Variants in KCNC2 observed in about 807,000 individuals in gnomAD.
KCNC2 encodes potassium voltage-gated channel subfamily C member 2.
In KCNC2, 21 loss-of-function variants were observed where a neutral mutation model predicts 44.5. The ratio of observed to expected loss-of-function variants is 0.47; its 90% CI spans 0.33 to 0.68. The LOEUF is 0.68. Among genes scored for constraint, KCNC2 ranks in the 30% least tolerant of loss-of-function variants. The pLI, the probability that KCNC2 is intolerant of heterozygous loss-of-function variation, is 0.01. For missense variants in KCNC2, 589 were observed against 826.2 expected (o/e 0.71, Z 3.52); for synonymous variants, 391 against 339.1 (o/e 1.15, Z -1.68).
At chr12:75,141,802 A>C (rs879491072) in intron 2 of KCNC2, among the ~76,000 whole-genome samples, 2 of 152,134 alleles carry the variant, frequency 1.3e-5, no homozygotes, top group Non-Finnish European at 2.9e-5. Flanking sequence ...AGAGTAAAAA[A>C]TTTTACATGC....
intron 2 of KCNC2, 37 bp from the exon 3 acceptor site, chr12:75,051,354 T>C (rs1374467221): frequency 8.5e-7 from 1 of 1,172,490 alleles, no homozygotes; most frequent in Non-Finnish European, 1.2e-6. Flanking sequence ...CCCATAGTGA[T>C]CTGAATCGTA....
intron 1 of KCNC2, among the ~76,000 whole-genome samples, chr12:75,208,814 G>T (rs2031921342): frequency 1.3e-5 from 2 of 151,914 alleles, no homozygotes; most frequent in South Asian, 2.1e-4. Flanking sequence ...TCCTTTTCAC[G>T]TTATTATTAT....
intron 2 of KCNC2, among the ~76,000 whole-genome samples, chr12:75,154,785 T>C (rs995668395): frequency 4.6e-5 from 7 of 152,040 alleles, no homozygotes; most frequent in African/African-American, 1.7e-4. Flanking sequence ...AATCATATGG[T>C]ACTGGTGCTA....
chr12:75,138,979 T>TAAAAAAAAAAAAAAAAAAAAAAAAAAA (rs373729570), intron 2 of KCNC2, among the ~76,000 whole-genome samples: 15 of 77,928 alleles, frequency 1.9e-4, no homozygotes, highest in Admixed American at 2.6e-4. Context: ...AGACTCCGTG[T>TAAAAAAAAAAAAAAAAAAAAAAAAAAA]AAAAAAAAAA....
At chr12:75,121,446 C>A (rs1467343432) in intron 2 of KCNC2, among the ~76,000 whole-genome samples, 1 of 152,256 alleles carries the variant, frequency 6.6e-6, no homozygotes, top group South Asian at 2.1e-4. Flanking sequence ...AACAAGTAAT[C>A]ACACACATAA....
intron 2 of KCNC2, among the ~76,000 whole-genome samples, chr12:75,069,102 T>C (rs957801832): frequency 1.4e-5 from 2 of 145,462 alleles, no homozygotes; most frequent in African/African-American, 2.6e-5. Context: ...GGCACAGGAC[T>C]AAAAAACAGT....
chr12:75,058,714 G>T (rs1882003530), intron 2 of KCNC2, among the ~76,000 whole-genome samples: 1 of 151,672 alleles, frequency 6.6e-6, no homozygotes, highest in Non-Finnish European at 1.5e-5. Context: ...TAAACCAAAG[G>T]GTCCCCAAAA....
At chr12:75,173,691 A>G (rs1455578648) in intron 2 of KCNC2, among the ~76,000 whole-genome samples, 2 of 151,846 alleles carry the variant, frequency 1.3e-5, no homozygotes, top group African/African-American at 4.8e-5. Flanking sequence ...ATTTAAAACT[A>G]ATTTTCAACA....
chr12:75,089,142 T>C (rs1174162191), intron 2 of KCNC2, among the ~76,000 whole-genome samples: 2 of 151,912 alleles, frequency 1.3e-5, no homozygotes, highest in African/African-American at 4.8e-5. Flanking sequence ...TATGTATACA[T>C]ATATGTATGT....
rs1879839069 is a variant in KCNC2, at chr12:75,041,039, T to C, written c.*2066A>G. Reference sequence around the variant, plus strand: ...ATGAGTTCCAGCCGCAGTTCTTTTATAAGCTTTAAGTGCCTCATGAAGACG... The same window carrying C: ...ATGAGTTCCAGCCGCAGTTCTTTTACAAGCTTTAAGTGCCTCATGAAGACG... On this transcript the variant is annotated 3_prime_UTR_variant, in exon 5 of 5. Transcript: ENST00000549446. The C allele has an allele frequency of 7.4e-7, 1 of 1,356,782 alleles. No homozygotes were observed. Among genetic ancestry groups the C allele is most frequent in the Admixed American group, 1.7e-5 (1 of 58,474 alleles). 84.0% of individuals were successfully genotyped at this position (1,356,782 alleles called of 1,614,324 possible). A position where few individuals can be genotyped will look rare whatever the true frequency, so the allele number is the denominator to read the frequency against.
chr12:75,040,725 G>C lies in KCNC2; in HGVS notation c.*2380C>G, dbSNP rs187496684. On this transcript the variant is annotated 3_prime_UTR_variant, in exon 5 of 5. Coordinates refer to ENST00000549446, the MANE Select transcript of KCNC2 (RefSeq NM_139137.4). ...ATTTATAAGAAAATTATACAATCAA[G>C]TTCATAGATTCAACCAAAGAAGTAG... is the stretch of plus-strand genomic sequence containing the variant. 8.6e-4 allele frequency: 148 copies of C among 171,866 alleles called. No individual in the cohort carries two copies. Among genetic ancestry groups the C allele is most frequent in the African/African-American group, 3.2e-3 (137 of 42,376 alleles). 10.6% of individuals were successfully genotyped at this position (171,866 alleles called of 1,614,324 possible).
intron 2 of KCNC2, among the ~76,000 whole-genome samples, chr12:75,085,349 A>C (rs891267295): frequency 6.6e-6 from 1 of 152,090 alleles, no homozygotes; most frequent in Non-Finnish European, 1.5e-5. Flanking sequence ...TTGAAAAGGA[A>C]GAAGAGAATG....
At chr12:75,142,864 G>A (rs928901107) in intron 2 of KCNC2, among the ~76,000 whole-genome samples, 2 of 152,136 alleles carry the variant, frequency 1.3e-5, no homozygotes, top group South Asian at 2.1e-4. Flanking sequence ...CCACAAGTCC[G>A]CCTGCTGATA....
chr12:75,173,114 C>T (rs1162543976), intron 2 of KCNC2, among the ~76,000 whole-genome samples: 2 of 151,768 alleles, frequency 1.3e-5, no homozygotes, highest in African/African-American at 2.4e-5. Context: ...TAATATTTGC[C>T]TATGAAATTA....
At chr12:75,148,669 A>G (rs1376838249) in intron 2 of KCNC2, among the ~76,000 whole-genome samples, 2 of 152,012 alleles carry the variant, frequency 1.3e-5, no homozygotes, top group African/African-American at 4.8e-5. Flanking sequence ...TTTGTTAACC[A>G]AAAACATAAA....
chr12:75,052,836 ACTT>A (rs1410768853), intron 2 of KCNC2, among the ~76,000 whole-genome samples: 8 of 152,152 alleles, frequency 5.3e-5, no homozygotes, highest in African/African-American at 9.7e-5. Context: ...AAATTATGGA[ACTT>A]CTTCTACAGT....
At chr12:75,201,175 G>A (rs996934324) in intron 2 of KCNC2, among the ~76,000 whole-genome samples, 1 of 145,174 alleles carries the variant, frequency 6.9e-6, no homozygotes, top group South Asian at 2.2e-4. Context: ...AGGAAGCTGG[G>A]AGCTAACCTG....
chr12:75,119,098 C>T (rs768227034), intron 2 of KCNC2, among the ~76,000 whole-genome samples: 1 of 152,126 alleles, frequency 6.6e-6, no homozygotes, highest in Non-Finnish European at 1.5e-5. Flanking sequence ...TGAAATGGTA[C>T]ATGGAATGTG....
chr12:75,040,259 T>C lies in KCNC2; in HGVS notation c.*2846A>G, dbSNP rs935511395. 6.6e-6 allele frequency: 1 copy of C among 151,966 alleles called. No homozygotes were observed. The highest frequency in any genetic ancestry group is 1.5e-5 in the Non-Finnish European group (1 of 67,966). The allele number at this position is 151,966 out of a possible 1,614,324, so 9.4% of individuals were successfully genotyped here. The stretch of plus-strand genomic sequence containing the variant: ...AATAGGCTATATGTTATATTCAGAA[T>C]CCCAGGGGAACTAATAGACTCTGAA... On this transcript the variant is annotated 3_prime_UTR_variant, in exon 5 of 5. Transcript: ENST00000549446.
Sources: allele counts gnomAD v4.1 joint callset (sites outside exome capture counted in the v4.1 genomes callset), GRCh38; gene constraint gnomAD v4.1.1; transcripts MANE v1.5; gene names NCBI Gene and HGNC (gene_info 2026-07-23, HGNC 2026-07-21).